ACSS2: variants seen among roughly 807,000 people sequenced by gnomAD.
ACSS2 encodes acetyl-coenzyme A synthetase, cytoplasmic.
A neutral mutation model predicts 90.6 loss-of-function variants in ACSS2; 58 were observed. That is an observed-to-expected ratio of 0.64 (90% CI 0.52 to 0.80). The LOEUF (loss-of-function observed/expected upper bound fraction) is 0.80, where lower values mean the gene tolerates loss of function less well. Among genes scored for constraint, ACSS2 ranks in the 30% least tolerant of loss-of-function variants. ACSS2 has a pLI of 0.00. For missense variants in ACSS2, 759 were observed against 912.0 expected (o/e 0.83, Z 2.16); for synonymous variants, 300 against 330.9 (o/e 0.91, Z 1.01).
chr20:34,876,474 A>G (rs1352329760), upstream of ACSS2: 4 of 663,642 alleles, frequency 6.0e-6, no homozygotes, highest in East Asian at 1.0e-4. Context: ...TCCCTCCCCA[A>G]CCAGACACGG....
At position 34,876,612 on chromosome 20, in the gene ACSS2, G is replaced by C; in HGVS notation, c.-34G>C. 1 of 1,288,194 alleles carries C rather than the reference G, an allele frequency of 7.8e-7. No individual in the cohort carries two copies. Among genetic ancestry groups the C allele is most frequent in the Non-Finnish European group, 9.9e-7 (1 of 1,010,442 alleles). 79.8% of individuals were successfully genotyped at this position (1,288,194 alleles called of 1,614,324 possible). On this transcript the variant is annotated 5_prime_UTR_variant, in exon 1 of 18. Coordinates refer to ENST00000360596, the MANE Select transcript of ACSS2 (RefSeq NM_018677.4). ...CTCAGTCCCGGCACCCGCCGCGACC[G>C]CAAAGGCGGCCGCGGTTCTAGGAAC...
intron 1 of ACSS2, among the ~76,000 whole-genome samples, chr20:34,880,406 C>T (rs184416099): frequency 4.3e-4 from 65 of 150,780 alleles, no homozygotes; most frequent in African/African-American, 1.6e-3. Flanking sequence ...ACAATGTGCG[C>T]CTGTAGTTCC....
intron 2 of ACSS2, among the ~76,000 whole-genome samples, chr20:34,907,117 CAG>C (rs948216959): frequency 7.5e-5 from 11 of 147,066 alleles, no homozygotes; most frequent in African/African-American, 2.0e-4. Flanking sequence ...AAAAATAAAA[CAG>C]AATGTGTTTT....
intron 7 of ACSS2, among the ~76,000 whole-genome samples, chr20:34,916,030 C>G (rs144165651): frequency 5.2e-4 from 79 of 152,328 alleles, no homozygotes; most frequent in African/African-American, 1.3e-3. Flanking sequence ...CACTATTCCT[C>G]TGGATTTTAC....
Position 34,921,774 on chromosome 20 carries a change from G to A in ACSS2, c.1468-12G>A, listed in dbSNP as rs375863850. 21 of 1,612,884 alleles carry A rather than the reference G, an allele frequency of 1.3e-5. No homozygotes were observed. The highest frequency in any genetic ancestry group is 6.7e-5 in the African/African-American group (5 of 74,798). ...TTCCTCTTCTTGGGTTCTGTCTCCC[G>A]TTTGCTTCTAGACTTTCCCATTCTT... On this transcript the variant is annotated splice_polypyrimidine_tract_variant and intron_variant, in intron 12 of 17. Transcript: ENST00000360596.
chr20:34,884,794 C>A (rs1286303872), intron 2 of ACSS2, among the ~76,000 whole-genome samples: 1 of 152,216 alleles, frequency 6.6e-6, no homozygotes, highest in Non-Finnish European at 1.5e-5. Context: ...CATGGTGGCT[C>A]ATGCCTGTAA....
intron 2 of ACSS2, among the ~76,000 whole-genome samples, chr20:34,903,508 C>G (rs1227413520): frequency 6.6e-6 from 1 of 152,020 alleles, no homozygotes; most frequent in Admixed American, 6.6e-5. Context: ...TTGAGACTTG[C>G]TATCACATCT....
In ACSS2 at chr20:34,921,500, A is replaced by G. The variant is rs139624515; in HGVS notation, c.1410+38A>G. 1,415 of 1,614,148 alleles carry G rather than the reference A, an allele frequency of 8.8e-4. 3 individuals are homozygous for G. The highest frequency in any genetic ancestry group is 9.8e-4 in the Non-Finnish European group (1,161 of 1,180,034). The stretch of plus-strand genomic sequence containing the variant: ...TACAGAAGGCTGGGGCCCAGGGACA[A>G]TGTGGGAAGATTGACTCAAATTTCT... On this transcript the variant is annotated intron_variant, in intron 11 of 17. Coordinates refer to ENST00000360596, the MANE Select transcript of ACSS2 (RefSeq NM_018677.4).
chr20:34,911,186 A>ATT (rs113927168), intron 2 of ACSS2, among the ~76,000 whole-genome samples: 79,850 of 130,510 alleles, frequency 0.61, 24,830 homozygotes, highest in South Asian at 0.74. Context: ...CTCAGCTAAA[A>ATT]TTTTTTTTTT....
intron 2 of ACSS2, among the ~76,000 whole-genome samples, chr20:34,906,711 AGTG>A (rs2080814859): frequency 6.6e-6 from 1 of 151,876 alleles, no homozygotes; most frequent in African/African-American, 2.4e-5. Flanking sequence ...AGCTGGGTGC[AGTG>A]GCTCACGCCT....
intron 1 of ACSS2, among the ~76,000 whole-genome samples, chr20:34,878,016 C>T (rs1189211353): frequency 6.6e-6 from 1 of 152,126 alleles, no homozygotes; most frequent in Non-Finnish European, 1.5e-5. Flanking sequence ...TCACTATAGC[C>T]TGCATCTCCT....
intron 1 of ACSS2, among the ~76,000 whole-genome samples, chr20:34,881,015 AAAT>A: frequency 7.5e-6 from 1 of 132,832 alleles, no homozygotes; most frequent in Admixed American, 7.9e-5. Flanking sequence ...TCTTTCCTCC[AAAT>A]TTTTTTTTTT....
chr20:34,886,089 A>G (rs1160476159), intron 2 of ACSS2, among the ~76,000 whole-genome samples: 1 of 152,162 alleles, frequency 6.6e-6, no homozygotes, highest in African/African-American at 2.4e-5. Context: ...TGTTGCCTCT[A>G]TATTTTTAAA....
chr20:34,907,911 T>C (rs557646605), intron 2 of ACSS2, among the ~76,000 whole-genome samples: 36 of 152,326 alleles, frequency 2.4e-4, no homozygotes, highest in African/African-American at 8.4e-4. Flanking sequence ...GCTGATAATC[T>C]TCTGTGTGAC....
At chr20:34,915,114 C>T (rs952503818) in intron 7 of ACSS2, 3 of 1,219,500 alleles carry the variant, frequency 2.5e-6, no homozygotes, top group Non-Finnish European at 3.6e-6. Flanking sequence ...CTGGGAGGAC[C>T]AGTGAGAAGG....
intron 2 of ACSS2, among the ~76,000 whole-genome samples, chr20:34,898,866 G>C (rs1368732182): frequency 2.0e-5 from 3 of 152,086 alleles, no homozygotes; most frequent in South Asian, 2.1e-4. Flanking sequence ...TGCTCGTCGG[G>C]GGGGCTCGGG....
At position 34,913,626 on chromosome 20, in the gene ACSS2, A is replaced by G. The variant is rs2081013910; in HGVS notation, c.571-127A>G. 7.2e-6 allele frequency: 9 copies of G among 1,252,194 alleles called. No homozygotes were observed. In the Admixed American group the frequency reaches 1.5e-4, roughly 21 times the overall value. 77.6% of individuals were successfully genotyped at this position (1,252,194 alleles called of 1,614,324 possible). ...TAGAAGGTTTGTGTCATAGGTCCAT[A>G]TTAGTTATTCAGTTTCTTCTAGGAC... On this transcript the variant is annotated intron_variant, in intron 4 of 17. Coordinates refer to ENST00000360596, the MANE Select transcript of ACSS2 (RefSeq NM_018677.4).
intron 2 of ACSS2, among the ~76,000 whole-genome samples, chr20:34,892,179 A>G (rs556724514): frequency 6.6e-6 from 1 of 152,288 alleles, no homozygotes; most frequent in East Asian, 1.9e-4. Context: ...GTTAGGGGAG[A>G]GGAGGAACTG....
intron 2 of ACSS2, among the ~76,000 whole-genome samples, chr20:34,910,450 C>T (rs994306331): frequency 6.6e-5 from 10 of 152,118 alleles, no homozygotes; most frequent in African/African-American, 2.4e-4. Flanking sequence ...GTTTGGAGAC[C>T]ACCCTGGACA....
Sources: allele counts gnomAD v4.1 joint callset (sites outside exome capture counted in the v4.1 genomes callset), GRCh38; gene constraint gnomAD v4.1.1; transcripts MANE v1.5; gene names NCBI Gene and HGNC (gene_info 2026-07-23, HGNC 2026-07-21).